Variants in BTBD3 observed in about 807,000 individuals in gnomAD.
BTBD3 encodes the protein BTB domain containing 3.
BTBD3 carries 14 observed loss-of-function variants against 41.6 expected under a neutral mutation model. That is an observed-to-expected ratio of 0.34 (90% confidence interval 0.22 to 0.53). BTBD3 has a LOEUF of 0.53. BTBD3 is among the 20% of genes least tolerant of loss of function. BTBD3 has a pLI of 0.95. For synonymous variants in BTBD3, 249 were observed against 233.7 expected (o/e 1.07, Z -0.60); for missense variants, 426 against 654.7 (o/e 0.65, Z 3.81).
chr20:11,915,667 A>G (rs1045780268), upstream of BTBD3, among the ~76,000 whole-genome samples: 2 of 152,184 alleles, frequency 1.3e-5, no homozygotes, highest in Non-Finnish European at 2.9e-5. Flanking sequence ...TAGCCGTCAG[A>G]TAATTTTTCT....
chr20:11,919,233 C>G, intron 2 of BTBD3, 57 bp downstream of exon 2: 1 of 1,517,742 alleles, frequency 6.6e-7, no homozygotes, highest in Non-Finnish European at 9.0e-7. Flanking sequence ...GGGACCCTTT[C>G]CATAAGCCTG....
intron 1 of BTBD3, among the ~76,000 whole-genome samples, chr20:11,895,664 TC>T (rs2056782429): frequency 6.6e-6 from 1 of 152,174 alleles, no homozygotes; most frequent in South Asian, 2.1e-4. Context: ...TACCTACTCT[TC>T]CAAGAACAAA....
rs1484496120 is a variant in BTBD3 at position 11,924,119 on chromosome 20, T to G, written c.*453T>G. The G allele has an allele frequency of 6.4e-6, 1 of 155,592 alleles. No individual in the cohort carries two copies. Among genetic ancestry groups the G allele is most frequent in the Non-Finnish European group, 1.4e-5 (1 of 70,316 alleles). 9.6% of individuals were successfully genotyped at this position (155,592 alleles called of 1,614,324 possible). On this transcript the variant is annotated 3_prime_UTR_variant, in exon 4 of 4. Transcript: ENST00000378226. The stretch of plus-strand genomic sequence containing the variant: ...CTCAGTGTACAATTTTGAAAGAAGT[T>G]TTGCCTTGTAATGAGTAATAATTTA...
chr20:11,901,445 C>G (rs894814355), intron 1 of BTBD3, among the ~76,000 whole-genome samples: 2 of 152,188 alleles, frequency 1.3e-5, no homozygotes, highest in Non-Finnish European at 2.9e-5. Context: ...CACTTTTGAT[C>G]CCTATGCAGT....
rs2122333569 is a variant in BTBD3, at chr20:11,922,856, G to A, written c.759G>A (p.Glu253=). The change falls in exon 4 of 4, where the codon GAG becomes GAA. Residue 253 remains glutamate, a synonymous_variant. Coordinates refer to ENST00000378226, the MANE Select transcript of BTBD3 (RefSeq NM_014962.4). ...RCWEVIDAQA[E]LALKSEGFCD... ...GGGAGGTGATTGATGCCCAGGCTGA[G>A]TTAGCTCTCAAGTCTGAGGGATTCT... 1 of 1,614,248 alleles carries A rather than the reference G, an allele frequency of 6.2e-7. No homozygotes were observed. Among genetic ancestry groups the A allele is most frequent in the South Asian group, 1.1e-5 (1 of 91,090 alleles).
chr20:11,897,412 T>C (rs76515471), intron 1 of BTBD3, among the ~76,000 whole-genome samples: 2,474 of 151,740 alleles, frequency 0.016, 76 homozygotes, highest in African/African-American at 0.057. Context: ...ATTGTGGTTT[T>C]TTGCATTAAT....
Position 11,919,132 on chromosome 20 carries a change from GT to G in BTBD3, c.374del (p.Val125GlyfsTer18). The G allele has an allele frequency of 6.2e-7, 1 of 1,613,682 alleles. No individual in the cohort carries two copies. Among genetic ancestry groups the G allele is most frequent in the Non-Finnish European group, 8.5e-7 (1 of 1,179,770 alleles). On this transcript the variant is annotated frameshift_variant, in exon 2 of 4. Transcript: ENST00000378226. LOFTEE classifies it high-confidence loss of function. The part of the protein sequence containing the change: ...NNDLMADVHF[V>X]VGPPGGTQRL... ...TGATTTGATGGCAGATGTACATTTT[GT>G]GGTTGGGCCACCAGGTGGGACTCAA...
At chr20:11,907,979 T>A (rs1208679280) in intron 1 of BTBD3, among the ~76,000 whole-genome samples, 2 of 152,206 alleles carry the variant, frequency 1.3e-5, no homozygotes, top group African/African-American at 4.8e-5. Context: ...CCTTCCTCAA[T>A]TTAGATGATA....
rs1476098680 is a variant in BTBD3, at chr20:11,919,190, G to T, written c.417+14G>T. The T allele has an allele frequency of 6.2e-7, 1 of 1,610,130 alleles. No homozygotes were observed. Among genetic ancestry groups the T allele is most frequent in the East Asian group, 2.2e-5 (1 of 44,840 alleles). ...CCAGGACACAAAGTAAGCAACAGCT[G>T]CATGACCGGTTTAGTCCTGACGTTT... is the stretch of plus-strand genomic sequence containing the variant. On this transcript the variant is annotated intron_variant, in intron 2 of 3. Transcript: ENST00000378226.
At chr20:11,896,096 A>G (rs559523710) in intron 1 of BTBD3, among the ~76,000 whole-genome samples, 2 of 152,338 alleles carry the variant, frequency 1.3e-5, no homozygotes, top group African/African-American at 4.8e-5. Context: ...GAACTAAAAA[A>G]ATACCGGATC....
At chr20:11,905,520 A>G (rs142521473) in intron 1 of BTBD3, among the ~76,000 whole-genome samples, 42 of 152,302 alleles carry the variant, frequency 2.8e-4, no homozygotes, top group Middle Eastern at 3.4e-3. Context: ...TGATTATAGC[A>G]AAGGGGAATG....
intron 1 of BTBD3, among the ~76,000 whole-genome samples, chr20:11,891,972 T>G (rs1462706921): frequency 6.6e-6 from 1 of 152,180 alleles, no homozygotes; most frequent in African/African-American, 2.4e-5. Context: ...TAACACAGTG[T>G]ATTTTTTAAA....
chr20:11,917,725 A>G (rs1600243620), upstream of BTBD3: 1 of 156,674 alleles, frequency 6.4e-6, no homozygotes, highest in East Asian at 1.9e-4. Context: ...TACAGTAGAC[A>G]AGAAAATGCA....
chr20:11,918,659 T>C (rs1012828867), intron 1 of BTBD3, 58 bp downstream of exon 1: 21 of 1,486,610 alleles, frequency 1.4e-5, no homozygotes, highest in Non-Finnish European at 1.8e-5. Context: ...AGTTTCTGCT[T>C]TTGCAAAACC....
chr20:11,905,575 C>T lies in BTBD3; in HGVS notation c.-125-12759C>T, dbSNP rs559556250. On this transcript the variant is annotated intron_variant, in intron 1 of 4. Transcript: ENST00000254977. ...TTAGCCAGGCCGTTTTACCGCTATG[C>T]GTAAATAAATCCCCCATCATTCAGG... is the stretch of plus-strand genomic sequence containing the variant. Among the ~76,000 whole-genome samples the T allele has an allele frequency of 5.3e-5, 8 of 152,260 alleles. No individual in the cohort carries two copies. The South Asian group carries it at 1.2e-3, about 24-fold the overall frequency.
chr20:11,908,379 T>G (rs1404087274), intron 1 of BTBD3, among the ~76,000 whole-genome samples: 2 of 150,182 alleles, frequency 1.3e-5, no homozygotes, highest in African/African-American at 4.9e-5. Flanking sequence ...TCTTTGAAGA[T>G]GTATTTTGAC....
intron 1 of BTBD3, among the ~76,000 whole-genome samples, chr20:11,899,846 A>G (rs1376904296): frequency 1.3e-5 from 2 of 152,250 alleles, no homozygotes; most frequent in Non-Finnish European, 2.9e-5. Flanking sequence ...GAAAAAAAAG[A>G]TGATTATTTT....
chr20:11,921,048 A>G (rs1417416343), intron 3 of BTBD3, among the ~76,000 whole-genome samples: 1 of 152,202 alleles, frequency 6.6e-6, no homozygotes, highest in Non-Finnish European at 1.5e-5. Context: ...TCTTTTGGAG[A>G]TATATGTACA....
At chr20:11,892,430 A>G (rs2056760879) in intron 1 of BTBD3, 2 of 152,136 alleles carry the variant, frequency 1.3e-5, no homozygotes, top group African/African-American at 4.8e-5. Context: ...TTCCCATAGC[A>G]ACGAGTCCTC....
Sources: gnomAD v4.1 joint callset for allele counts (sites outside exome capture counted in the v4.1 genomes callset) on GRCh38, gnomAD v4.1.1 for gene constraint, MANE v1.5 for transcripts, NCBI Gene and HGNC (gene_info 2026-07-23, HGNC 2026-07-21) for gene names.